Variants in CCSER1 observed in about 807,000 individuals in gnomAD.
CCSER1 encodes coiled-coil serine rich protein 1, also known as serine-rich coiled-coil domain-containing protein 1.
In CCSER1, 41 loss-of-function variants were observed where a neutral mutation model predicts 82.0. The ratio of observed to expected loss-of-function variants is 0.50; its 90% confidence interval spans 0.39 to 0.65. The LOEUF is 0.65. Among genes scored for constraint, CCSER1 ranks in the 30% least tolerant of loss-of-function variants. The pLI is 0.00. For missense variants in CCSER1, 1,119 were observed against 1,064.2 expected, an observed-to-expected ratio of 1.05 and a Z score of -0.72; for synonymous variants, 414 against 383.9, an observed-to-expected ratio of 1.08 and a Z score of -0.92.
rs1725987411 is a variant in CCSER1 at position 91,110,296 on chromosome 4, G to GA, written c.2217+24302_2217+24303insA. ...TCATATTTCAGTTGTTTCTTCACTAGGAAAAAAATAAACTTAGTGCTTGCT... is the reference window on the plus strand; with the variant it reads ...TCATATTTCAGTTGTTTCTTCACTAGAGAAAAAAATAAACTTAGTGCTTGCT... On this transcript the variant is annotated intron_variant, in intron 10 of 10. Transcript: ENST00000509176. 4.8e-5 allele frequency among the ~76,000 whole-genome samples: 4 copies of GA among 83,644 alleles called. No individual in the cohort carries two copies. The South Asian group carries it at 1.3e-3, about 27-fold the overall frequency. The allele number at this position is 83,644 out of a possible 152,430, so 54.9% of individuals were successfully genotyped here.
At chr4:91,439,169 C>T (rs1463253376) in intron 10 of CCSER1, among the ~76,000 whole-genome samples, 1 of 152,002 alleles carries the variant, frequency 6.6e-6, no homozygotes, top group African/African-American at 2.4e-5. Flanking sequence ...AACTCCAAGA[C>T]ACATAATTGT....
intron 8 of CCSER1, among the ~76,000 whole-genome samples, chr4:90,898,390 GC>G (rs1298415280): frequency 7.0e-6 from 1 of 141,916 alleles, no homozygotes; most frequent in African/African-American, 2.7e-5. Context: ...CAACTCTCCT[GC>G]CTCAGCCTCC....
intron 10 of CCSER1, among the ~76,000 whole-genome samples, chr4:91,582,363 T>G (rs576439590): frequency 2.6e-5 from 4 of 151,712 alleles, no homozygotes; most frequent in South Asian, 4.1e-4. Flanking sequence ...GAAGGAAATC[T>G]TGTAATGCAG....
chr4:90,270,031 A>G (rs1258498864), intron 1 of CCSER1, among the ~76,000 whole-genome samples: 1 of 152,024 alleles, frequency 6.6e-6, no homozygotes. Flanking sequence ...GCTCTAATGA[A>G]AGGGATCCAG....
At chr4:91,236,469 C>A (rs901933992) in intron 10 of CCSER1, among the ~76,000 whole-genome samples, 11 of 151,916 alleles carry the variant, frequency 7.2e-5, no homozygotes, top group African/African-American at 2.7e-4. Context: ...GGTGACAGAG[C>A]AAGACTCCGT....
At chr4:90,919,044 G>T (rs1326888582) in intron 8 of CCSER1, among the ~76,000 whole-genome samples, 1 of 128,532 alleles carries the variant, frequency 7.8e-6, no homozygotes, top group Non-Finnish European at 1.6e-5. Context: ...GCTTTTACAG[G>T]AAATACATTG....
intron 10 of CCSER1, among the ~76,000 whole-genome samples, chr4:91,496,643 TTCA>T (rs1758851761): frequency 1.9e-5 from 1 of 53,238 alleles, no homozygotes; most frequent in African/African-American, 5.4e-5. Context: ...TATATATATA[TTCA>T]ATATATATTG....
chr4:90,627,054 T>C (rs556634690), intron 5 of CCSER1, among the ~76,000 whole-genome samples: 1 of 152,122 alleles, frequency 6.6e-6, no homozygotes, highest in Non-Finnish European at 1.5e-5. Context: ...ACTTGGCCAA[T>C]AGTCAACCCT....
chr4:91,221,409 G>A lies in CCSER1; in HGVS notation c.2217+135415G>A, dbSNP rs192750802. Among the ~76,000 whole-genome samples, 20 of 152,048 alleles carry A rather than the reference G, an allele frequency of 1.3e-4. No individual in the cohort carries two copies. The East Asian group carries it at 3.5e-3, about 26-fold the overall frequency. On this transcript the variant is annotated intron_variant, in intron 10 of 10. Coordinates refer to ENST00000509176, the MANE Select transcript of CCSER1 (RefSeq NM_001145065.2). ...CATAGTTAGTAACTCAGATTTTCCTGTATTTCTATTATTATAGTACATAGA... is the reference window on the plus strand; with the variant it reads ...CATAGTTAGTAACTCAGATTTTCCTATATTTCTATTATTATAGTACATAGA...
intron 10 of CCSER1, chr4:91,112,568 C>T (rs1561558159): frequency 6.6e-6 from 1 of 152,146 alleles, no homozygotes; most frequent in African/African-American, 2.4e-5. Context: ...TTAAGGGTCA[C>T]TCATTGCAGA....
chr4:91,419,656 T>A (rs1385221113), intron 10 of CCSER1, among the ~76,000 whole-genome samples: 2 of 151,992 alleles, frequency 1.3e-5, no homozygotes, highest in Non-Finnish European at 2.9e-5. Context: ...TTCATTGCAA[T>A]CCTTATCAGA....
intron 1 of CCSER1, among the ~76,000 whole-genome samples, chr4:90,229,306 G>A (rs1165148359): frequency 6.6e-6 from 1 of 152,014 alleles, no homozygotes; most frequent in African/African-American, 2.4e-5. Context: ...AGAGAGTGGG[G>A]GCCAATATTC....
intron 8 of CCSER1, among the ~76,000 whole-genome samples, chr4:90,917,499 A>AC (rs1346523572): frequency 6.6e-6 from 1 of 151,990 alleles, no homozygotes; most frequent in East Asian, 1.9e-4. Flanking sequence ...GACATCACAC[A>AC]CTGGGGCCAT....
At chr4:90,808,460 T>C (rs533068894) in intron 7 of CCSER1, among the ~76,000 whole-genome samples, 10 of 152,056 alleles carry the variant, frequency 6.6e-5, no homozygotes, top group South Asian at 2.1e-4. Context: ...AGACAACTTA[T>C]AGAATGAGAG....
At chr4:90,171,238 A>G (rs1731612790) in intron 1 of CCSER1, among the ~76,000 whole-genome samples, 2 of 151,728 alleles carry the variant, frequency 1.3e-5, no homozygotes, top group South Asian at 4.1e-4. Flanking sequence ...TTTAAAGGAC[A>G]CAAGTGTAAA....
At chr4:90,630,027 G>A (rs1247827233) in intron 6 of CCSER1, among the ~76,000 whole-genome samples, 1 of 152,142 alleles carries the variant, frequency 6.6e-6, no homozygotes, top group Non-Finnish European at 1.5e-5. Flanking sequence ...TCAGCCATGT[G>A]GGAGTATTTA....
intron 7 of CCSER1, among the ~76,000 whole-genome samples, chr4:90,788,014 A>T (rs1175218921): frequency 1.3e-5 from 2 of 152,200 alleles, no homozygotes; most frequent in East Asian, 3.9e-4. Context: ...TGACTAAAAT[A>T]TGCACAGATA....
intron 10 of CCSER1, among the ~76,000 whole-genome samples, chr4:91,490,279 A>G (rs114824774): frequency 1.7e-3 from 261 of 152,296 alleles, no homozygotes; most frequent in African/African-American, 5.8e-3. Context: ...TATGGAAGAG[A>G]TATCTGCACT....
At chr4:90,486,180 T>A (rs763536268) in intron 5 of CCSER1, among the ~76,000 whole-genome samples, 1 of 152,180 alleles carries the variant, frequency 6.6e-6, no homozygotes, top group Non-Finnish European at 1.5e-5. Context: ...CTCCCACCCC[T>A]CAATCTAGGA....
Sources: allele counts gnomAD v4.1 joint callset (sites outside exome capture counted in the v4.1 genomes callset), GRCh38; gene constraint gnomAD v4.1.1; transcripts MANE v1.5; gene names NCBI Gene and HGNC (gene_info 2026-07-23, HGNC 2026-07-21).